The following TBXAS1 variants were observed in gnomAD, a reference collection of about 807,000 sequenced individuals.
TBXAS1 encodes the protein thromboxane A synthase 1.
TBXAS1 carries 48 observed loss-of-function variants against 60.7 expected under a neutral mutation model. That is an observed-to-expected ratio of 0.79 (90% confidence interval 0.63 to 1.01). TBXAS1 has a LOEUF of 1.01. TBXAS1 is among the 50% of genes least tolerant of loss of function. The pLI, the probability that TBXAS1 is intolerant of heterozygous loss-of-function variation, is 0.00. For missense variants in TBXAS1, 685 were observed against 686.3 expected (o/e 1.00, Z 0.02); for synonymous variants, 287 against 269.7 (o/e 1.06, Z -0.63).
chr7:139,889,437 G>A (rs1803383365), intron 3 of TBXAS1, among the ~76,000 whole-genome samples: 1 of 152,310 alleles, frequency 6.6e-6, no homozygotes, highest in Admixed American at 6.5e-5. Context: ...ACAACATGGT[G>A]ATTCCACCAT....
chr7:139,993,017 A>C (rs1186334428), intron 9 of TBXAS1, among the ~76,000 whole-genome samples: 1 of 152,202 alleles, frequency 6.6e-6, no homozygotes, highest in Non-Finnish European at 1.5e-5. Flanking sequence ...CTAAAAATAA[A>C]AAAATTAAAA....
chr7:139,845,912 C>A (rs1799769698), intron 1 of TBXAS1, among the ~76,000 whole-genome samples: 1 of 150,856 alleles, frequency 6.6e-6, no homozygotes, highest in African/African-American at 2.4e-5. Flanking sequence ...CAGCCTCAAC[C>A]TCCCCAGGCT....
At chr7:139,909,661 G>C (rs1400859118) in intron 3 of TBXAS1, among the ~76,000 whole-genome samples, 1 of 150,916 alleles carries the variant, frequency 6.6e-6, no homozygotes, top group Non-Finnish European at 1.5e-5. Flanking sequence ...TAATGAGAAG[G>C]AGAAGAATTT....
intron 5 of TBXAS1, 25 bp from the exon 6 acceptor site, chr7:139,953,343 T>C: frequency 6.3e-7 from 1 of 1,596,762 alleles, no homozygotes; most frequent in Non-Finnish European, 8.6e-7. Context: ...GGTGCCCTAA[T>C]TACACCTTTG....
chr7:140,020,032 T>A lies in TBXAS1; in HGVS notation c.1535T>A (p.Leu512Gln). ...TAATTTTCTCTATTTTAGGTACCGC[T>A]GCAGCTAGAATCCAAATCTGCCCTA... ...FQACPETQVP[L>Q]QLESKSALGP... The change falls in exon 13 of 13, where the codon CTG becomes CAG. Residue 512 changes from leucine (L) to glutamine (Q), a missense_variant. Physicochemically the swap from Leu to Gln is moderately radical, Grantham distance 113. Transcript: ENST00000448866. 6.2e-7 allele frequency: 1 copy of A among 1,613,626 alleles called. No individual in the cohort carries two copies. Among genetic ancestry groups the A allele is most frequent in the Non-Finnish European group, 8.5e-7 (1 of 1,179,902 alleles).
At chr7:139,903,947 T>C (rs1318220407) in intron 3 of TBXAS1, among the ~76,000 whole-genome samples, 3 of 152,146 alleles carry the variant, frequency 2.0e-5, no homozygotes. Flanking sequence ...ACAAAAGCTC[T>C]TTACTTTAAT....
intron 3 of TBXAS1, among the ~76,000 whole-genome samples, chr7:139,786,679 C>T (rs1797212104): frequency 6.6e-6 from 1 of 152,160 alleles, no homozygotes. Flanking sequence ...TTAGGCAGTA[C>T]TGTACCTGCC....
At chr7:139,810,523 T>A (rs1229061738) in intron 4 of TBXAS1, among the ~76,000 whole-genome samples, 2 of 152,230 alleles carry the variant, frequency 1.3e-5, no homozygotes, top group African/African-American at 4.8e-5. Flanking sequence ...CAATGTTTTT[T>A]GAGTTTTTAA....
In TBXAS1 at chr7:139,845,360, G is replaced by A. The variant is rs188940808; in HGVS notation, c.89+15881G>A. On this transcript the variant is annotated intron_variant, in intron 1 of 12. Coordinates refer to ENST00000448866, the MANE Select transcript of TBXAS1 (RefSeq NM_001061.7). ...CCCCTCGCTTCTCACCTGGTGCCTG[G>A]CTCCCAGGTGCTCACAGCTCCTCCC... Among the ~76,000 whole-genome samples, 6 of 152,146 alleles carry A rather than the reference G, an allele frequency of 3.9e-5. No individual in the cohort carries two copies. In the East Asian group the frequency reaches 1.2e-3, roughly 29 times the overall value.
chr7:139,883,988 G>A (rs1802890974), intron 3 of TBXAS1, among the ~76,000 whole-genome samples: 1 of 152,206 alleles, frequency 6.6e-6, no homozygotes, highest in East Asian at 1.9e-4. Flanking sequence ...AGGGCCAGAT[G>A]ATATCTGAAG....
At chr7:139,968,777 T>A (rs1387644522) in intron 9 of TBXAS1, among the ~76,000 whole-genome samples, 2 of 152,244 alleles carry the variant, frequency 1.3e-5, no homozygotes, top group Non-Finnish European at 2.9e-5. Context: ...TCTTTTCCCA[T>A]GTTGCCTTGG....
At chr7:139,806,246 T>TTTTATTTTAC (rs2116379225) in intron 4 of TBXAS1, among the ~76,000 whole-genome samples, 1 of 137,178 alleles carries the variant, frequency 7.3e-6, no homozygotes, top group Admixed American at 7.3e-5. Flanking sequence ...GCCTATGTTA[T>TTTTATTTTAC]TTTATTTTAT....
intron 4 of TBXAS1, among the ~76,000 whole-genome samples, chr7:139,933,391 G>T (rs1343096913): frequency 2.6e-5 from 4 of 152,118 alleles, no homozygotes; most frequent in Non-Finnish European, 5.9e-5. Context: ...GGAGGTAAGT[G>T]CTTTATTCCA....
chr7:139,783,300 C>T (rs1797059284), intron 3 of TBXAS1, among the ~76,000 whole-genome samples: 1 of 144,704 alleles, frequency 6.9e-6, no homozygotes, highest in Admixed American at 7.0e-5. Flanking sequence ...AACAGGGGTG[C>T]AGGAAAAGCA....
intron 8 of TBXAS1, among the ~76,000 whole-genome samples, chr7:139,960,361 A>G (rs939867522): frequency 1.3e-5 from 2 of 152,216 alleles, no homozygotes; most frequent in Admixed American, 6.5e-5. Context: ...CATGGACTGC[A>G]GATTTAACAT....
chr7:139,936,967 C>T (rs1345245569), intron 5 of TBXAS1, among the ~76,000 whole-genome samples: 1 of 152,130 alleles, frequency 6.6e-6, no homozygotes, highest in Non-Finnish European at 1.5e-5. Context: ...GCCCTGGACA[C>T]TCTCCTTTCC....
chr7:139,911,293 A>T lies in TBXAS1; in HGVS notation c.305A>T (p.Glu102Val). The T allele has an allele frequency of 3.1e-6, 5 of 1,614,152 alleles. 1 individual carries two copies. The South Asian group carries it at 5.5e-5, about 18-fold the overall frequency. Residue 102 changes from glutamate to valine, a missense_variant, in exon 4 of 13, where the codon GAG (glutamate) becomes GTG (valine). By Grantham distance (121) the Glu-to-Val change is moderately radical. Transcript: ENST00000448866. ...EPDMIKQVLV[E>V]NFSNFTNRMA... ...GACATGATCAAGCAGGTGTTGGTTGAGAACTTCAGTAACTTTACCAACAGA... is the reference window on the plus strand; with the variant it reads ...GACATGATCAAGCAGGTGTTGGTTGTGAACTTCAGTAACTTTACCAACAGA...
intron 9 of TBXAS1, among the ~76,000 whole-genome samples, chr7:139,973,225 C>T (rs1032382044): frequency 6.6e-6 from 1 of 152,174 alleles, no homozygotes; most frequent in Non-Finnish European, 1.5e-5. Flanking sequence ...TGAGGCTGGG[C>T]TTGAATCCTG....
chr7:139,987,353 C>T (rs1191766989), intron 9 of TBXAS1, among the ~76,000 whole-genome samples: 3 of 152,148 alleles, frequency 2.0e-5, no homozygotes, highest in Non-Finnish European at 4.4e-5. Context: ...TTTCTATTCC[C>T]CCAACCAAGA....
Sources: gnomAD v4.1 joint callset for allele counts (sites outside exome capture counted in the v4.1 genomes callset) on GRCh38, gnomAD v4.1.1 for gene constraint, MANE v1.5 for transcripts, NCBI Gene and HGNC (gene_info 2026-07-23, HGNC 2026-07-21) for gene names.